The following KATNBL1 variants were observed in gnomAD, a reference collection of about 807,000 sequenced individuals.
KATNBL1 encodes the protein katanin regulatory subunit B1 like 1.
KATNBL1 carries 28 observed loss-of-function variants against 44.7 expected under a neutral mutation model. The observed-to-expected ratio is 0.63, with a 90% CI of 0.46 to 0.86. The LOEUF is 0.86. Ranked by LOEUF, KATNBL1 falls within the 40% of genes least tolerant of loss-of-function variation. The pLI is 0.00. For synonymous variants in KATNBL1, 78 were observed against 114.9 expected, an observed-to-expected ratio of 0.68 and a Z score of 2.06; for missense variants, 272 against 350.7, an observed-to-expected ratio of 0.78 and a Z score of 1.79.
chr15:34,201,859 C>T (rs540513390), intron 1 of KATNBL1, among the ~76,000 whole-genome samples: 7 of 152,294 alleles, frequency 4.6e-5, no homozygotes, highest in African/African-American at 1.4e-4. Flanking sequence ...TACATCTCTA[C>T]TGAATATGTA....
intron 5 of KATNBL1, among the ~76,000 whole-genome samples, chr15:34,147,770 A>G (rs1888354175): frequency 6.6e-6 from 1 of 152,234 alleles, no homozygotes; most frequent in Non-Finnish European, 1.5e-5. Flanking sequence ...AAGTTGGTCA[A>G]AGAAGGCTTC....
At chr15:34,162,317 T>C (rs550012830) in intron 2 of KATNBL1, among the ~76,000 whole-genome samples, 11 of 152,318 alleles carry the variant, frequency 7.2e-5, no homozygotes, top group Non-Finnish European at 1.6e-4. Context: ...CTGATGGTTT[T>C]ATAAGGGGAA....
At chr15:34,169,888 GC>G (rs1262915545) in intron 1 of KATNBL1, among the ~76,000 whole-genome samples, 1 of 152,104 alleles carries the variant, frequency 6.6e-6, no homozygotes, top group African/African-American at 2.4e-5. Context: ...ACATTCAACA[GC>G]CCTTCATGCT....
At chr15:34,143,141 C>G (rs1023800927) in intron 9 of KATNBL1, 1 of 584,590 alleles carries the variant, frequency 1.7e-6, no homozygotes, top group Non-Finnish European at 2.6e-6. Context: ...ATAAATGGTA[C>G]CTTAAAGTCA....
chr15:34,169,989 A>T (rs1338085664), intron 1 of KATNBL1, among the ~76,000 whole-genome samples: 2 of 152,238 alleles, frequency 1.3e-5, no homozygotes, highest in African/African-American at 2.4e-5. Flanking sequence ...CTCATACTGA[A>T]TGGGCAAAAA....
chr15:34,179,669 A>T (rs1889460252), intron 1 of KATNBL1, among the ~76,000 whole-genome samples: 1 of 152,158 alleles, frequency 6.6e-6, no homozygotes, highest in Admixed American at 6.5e-5. Context: ...TAGAAAACTA[A>T]ATGCATAGTA....
chr15:34,154,296 C>T (rs542300351), intron 3 of KATNBL1, among the ~76,000 whole-genome samples: 2 of 152,274 alleles, frequency 1.3e-5, no homozygotes, highest in African/African-American at 4.8e-5. Flanking sequence ...GAAAACCAGT[C>T]GTTTTGTAGA....
At chr15:34,194,743 C>T (rs1889986071) in intron 1 of KATNBL1, among the ~76,000 whole-genome samples, 1 of 152,178 alleles carries the variant, frequency 6.6e-6, no homozygotes, top group African/African-American at 2.4e-5. Flanking sequence ...GGATCTCAGA[C>T]AATCAGACAA....
At chr15:34,195,031 G>A (rs1005389469) in intron 1 of KATNBL1, among the ~76,000 whole-genome samples, 1 of 152,168 alleles carries the variant, frequency 6.6e-6, no homozygotes, top group Non-Finnish European at 1.5e-5. Flanking sequence ...ATGGAAAACA[G>A]CACAGAGATT....
At chr15:34,162,580 C>CT (rs1888840353) in intron 2 of KATNBL1, among the ~76,000 whole-genome samples, 2 of 152,192 alleles carry the variant, frequency 1.3e-5, no homozygotes, top group African/African-American at 4.8e-5. Flanking sequence ...GGATGCTTAA[C>CT]AAGTGAGTTA....
Position 34,142,434 on chromosome 15 carries a change from AT to A in KATNBL1, c.883-64del, listed in dbSNP as rs889958667. 1.1e-3 allele frequency: 1,616 copies of A among 1,451,248 alleles called. 1 individual carries two copies. Among genetic ancestry groups the A allele is most frequent in the Middle Eastern group, 4.1e-3 (22 of 5,418 alleles). 89.9% of individuals were successfully genotyped at this position (1,451,248 alleles called of 1,614,324 possible). A position where few individuals can be genotyped will look rare whatever the true frequency, so the allele number is the denominator to read the frequency against. ...CAGTAAATACAAACATAAACAATCC[AT>A]TTTTTTTTGTTGTTGCTTAATTTGC... is the stretch of plus-strand genomic sequence containing the variant. On this transcript the variant is annotated intron_variant, in intron 9 of 9. Transcript: ENST00000256544.
At chr15:34,188,160 A>AAAT in intron 1 of KATNBL1, among the ~76,000 whole-genome samples, 1 of 149,094 alleles carries the variant, frequency 6.7e-6, no homozygotes, top group Non-Finnish European at 1.5e-5. Context: ...AAAAAAAAAA[A>AAAT]AAAAAGAAAA....
intron 3 of KATNBL1, among the ~76,000 whole-genome samples, chr15:34,154,105 C>T (rs1270330321): frequency 6.6e-6 from 1 of 152,180 alleles, no homozygotes; most frequent in African/African-American, 2.4e-5. Flanking sequence ...ATTTCTGCTT[C>T]TCCATTCAAT....
At chr15:34,189,181 C>T (rs565989781) in intron 1 of KATNBL1, among the ~76,000 whole-genome samples, 23 of 152,290 alleles carry the variant, frequency 1.5e-4, no homozygotes, top group Non-Finnish European at 2.9e-4. Flanking sequence ...TGCGCCACCA[C>T]GCCCAGCTAA....
At chr15:34,191,433 C>T (rs1037523570) in intron 1 of KATNBL1, among the ~76,000 whole-genome samples, 2 of 151,948 alleles carry the variant, frequency 1.3e-5, no homozygotes, top group African/African-American at 4.8e-5. Flanking sequence ...TTTCATTTCT[C>T]ATGGGTAAAT....
chr15:34,142,497 C>G, intron 9 of KATNBL1, 126 bp from the exon 10 acceptor site: 1 of 1,032,636 alleles, frequency 9.7e-7, no homozygotes, highest in Non-Finnish European at 1.4e-6. Context: ...GGGTAAAAGA[C>G]GTGCCTTGTT....
chr15:34,192,890 C>G (rs1889916349), intron 1 of KATNBL1, among the ~76,000 whole-genome samples: 1 of 152,096 alleles, frequency 6.6e-6, no homozygotes. Context: ...CTCTTTATAC[C>G]AAATTTTGCA....
intron 1 of KATNBL1, among the ~76,000 whole-genome samples, chr15:34,171,540 G>T (rs1245601551): frequency 6.6e-6 from 1 of 152,174 alleles, no homozygotes; most frequent in African/African-American, 2.4e-5. Context: ...ATTCCTCAAG[G>T]ATCTAGAACT....
At chr15:34,177,743 T>G (rs910534160) in intron 1 of KATNBL1, 5 of 152,086 alleles carry the variant, frequency 3.3e-5, no homozygotes, top group African/African-American at 1.2e-4. Context: ...CTTTTGTTTG[T>G]AACACCTTAA....
Sources: allele counts gnomAD v4.1 joint callset (sites outside exome capture counted in the v4.1 genomes callset), GRCh38; gene constraint gnomAD v4.1.1; transcripts MANE v1.5; gene names NCBI Gene and HGNC (gene_info 2026-07-23, HGNC 2026-07-21).